Variants in MYO16 observed in about 807,000 individuals in gnomAD.
MYO16 encodes the protein myosin XVI, also known as unconventional myosin-XVI.
A neutral mutation model predicts 205.3 loss-of-function variants in MYO16; 94 were observed. The observed-to-expected ratio is 0.46, with a 90% CI of 0.39 to 0.54. The LOEUF (loss-of-function observed/expected upper bound fraction) is 0.54, where lower values mean the gene tolerates loss of function less well. MYO16 is among the 20% of genes least tolerant of loss of function. MYO16 has a pLI of 0.00. For synonymous variants in MYO16, 988 were observed against 954.0 expected (o/e 1.04, Z -0.66); for missense variants, 2,315 against 2,387.5 (o/e 0.97, Z 0.63).
At chr13:108,765,649 C>A (rs189498820) in intron 4 of MYO16, among the ~76,000 whole-genome samples, 1 of 152,328 alleles carries the variant, frequency 6.6e-6, no homozygotes, top group East Asian at 1.9e-4. Flanking sequence ...ATCAGATACA[C>A]ACGCTTTGCC....
intron 1 of MYO16, among the ~76,000 whole-genome samples, chr13:108,611,972 C>CTTTTTTTT (rs201871787): frequency 6.2e-4 from 56 of 89,750 alleles, no homozygotes; most frequent in East Asian, 1.5e-3. Context: ...TTTTTTTTTT[C>CTTTTTTTT]TTTTTTTTTT....
intron 20 of MYO16, among the ~76,000 whole-genome samples, chr13:108,970,843 T>C (rs1004699103): frequency 2.0e-5 from 3 of 152,190 alleles, no homozygotes; most frequent in Non-Finnish European, 4.4e-5. Context: ...CCCCACACTT[T>C]CCCAAGTGTG....
the MYO16 span, among the ~76,000 whole-genome samples, chr13:108,504,297 T>C: frequency 2.0e-5 from 3 of 151,614 alleles, no homozygotes; most frequent in Non-Finnish European, 2.9e-5. Context: ...AATTTTTGTA[T>C]TTTTAGTAGA....
intron 7 of MYO16, among the ~76,000 whole-genome samples, chr13:108,814,029 AT>A (rs1421780334): frequency 6.6e-6 from 1 of 152,102 alleles, no homozygotes; most frequent in African/African-American, 2.4e-5. Flanking sequence ...ATGAATGTTT[AT>A]TTTTACAGGC....
chr13:108,510,276 C>G, the MYO16 span, among the ~76,000 whole-genome samples: 8 of 151,920 alleles, frequency 5.3e-5, no homozygotes, highest in Non-Finnish European at 1.0e-4. Flanking sequence ...GCCATCACGC[C>G]CGGCTAATTT....
chr13:109,055,206 A>G lies in MYO16; in HGVS notation c.3129+80A>G. On this transcript the variant is annotated intron_variant, in intron 26 of 34. Transcript: ENST00000457511. The surrounding 1 kb of genome is among the most constrained non-coding windows in gnomAD (Gnocchi z 5.0). ...AGGGTTTATGTAGACTTTTTTTTCC[A>G]TTTTTGACAACTTAAATATCTTCAC... 1 of 1,242,214 alleles carries G rather than the reference A, an allele frequency of 8.1e-7. No homozygotes were observed. The highest frequency in any genetic ancestry group is 1.1e-6 in the Non-Finnish European group (1 of 886,162). 76.9% of individuals were successfully genotyped at this position (1,242,214 alleles called of 1,614,324 possible).
At chr13:108,634,462 T>C (rs986387870) in intron 1 of MYO16, among the ~76,000 whole-genome samples, 6 of 152,070 alleles carry the variant, frequency 3.9e-5, no homozygotes, top group South Asian at 2.1e-4. Context: ...AATCCATCCA[T>C]CTTCCAATTA....
Position 109,140,215 on chromosome 13 carries a change from C to T in MYO16, c.4052-49C>T. 2 of 1,586,086 alleles carry T rather than the reference C, an allele frequency of 1.3e-6. No homozygotes were observed. Among genetic ancestry groups the T allele is most frequent in the Non-Finnish European group, 1.7e-6 (2 of 1,173,724 alleles). On this transcript the variant is annotated intron_variant, in intron 31 of 34. Transcript: ENST00000457511. This position sits in a 1 kb window ranked among gnomAD's most constrained non-coding sequence, Gnocchi z 8.0. ...AGTCGAGCCCCGGGCTTGGTGGGCA[C>T]CCGTGGGCCTGGCCTGGCACCCACT...
intron 21 of MYO16, among the ~76,000 whole-genome samples, chr13:109,000,485 C>A (rs1885177922): frequency 1.3e-5 from 2 of 152,114 alleles, no homozygotes; most frequent in Admixed American, 1.3e-4. Context: ...CATTCTGAAT[C>A]ATTACAACTA....
At chr13:108,799,276 A>C (rs1594303325) in intron 6 of MYO16, among the ~76,000 whole-genome samples, 1 of 152,250 alleles carries the variant, frequency 6.6e-6, no homozygotes, top group Non-Finnish European at 1.5e-5. Flanking sequence ...CATACTTCCC[A>C]GTGACCCTTG....
At chr13:108,890,104 A>ATTT (rs60627565) in intron 14 of MYO16, among the ~76,000 whole-genome samples, 1,504 of 94,766 alleles carry the variant, frequency 0.016, 46 homozygotes, top group Admixed American at 0.046. Context: ...TAATTTTTGT[A>ATTT]TTTTTTTTTT....
chr13:108,641,726 T>C (rs1421006949), intron 1 of MYO16, among the ~76,000 whole-genome samples: 1 of 152,238 alleles, frequency 6.6e-6, no homozygotes, highest in African/African-American at 2.4e-5. Context: ...GCTGAATTTA[T>C]GCAGGGCAAC....
intron 7 of MYO16, among the ~76,000 whole-genome samples, chr13:108,818,606 G>A (rs755645084): frequency 8.5e-5 from 13 of 152,056 alleles, no homozygotes. Context: ...GCATTAATGA[G>A]ATGAACCAAG....
intron 28 of MYO16, among the ~76,000 whole-genome samples, chr13:109,106,575 A>G (rs980356012): frequency 6.6e-6 from 1 of 152,212 alleles, no homozygotes; most frequent in Non-Finnish European, 1.5e-5. Context: ...ATATGCATCA[A>G]CTGGTTATAG....
chr13:109,011,498 C>CTTTTTTTTTTTTTTTTTTTTTTTTTT (rs34575828), intron 22 of MYO16, among the ~76,000 whole-genome samples: 3 of 129,946 alleles, frequency 2.3e-5, no homozygotes, highest in East Asian at 2.3e-4. Context: ...TTCTTCCTTT[C>CTTTTTTTTTTTTTTTTTTTTTTTTTT]TTTTTTTTTT....
At chr13:108,805,173 G>A (rs1398794857) in intron 6 of MYO16, among the ~76,000 whole-genome samples, 1 of 152,164 alleles carries the variant, frequency 6.6e-6, no homozygotes, top group African/African-American at 2.4e-5. Context: ...GAGCAAGTAT[G>A]TAAAATTATA....
At chr13:108,764,737 T>C (rs1044139650) in intron 4 of MYO16, among the ~76,000 whole-genome samples, 3 of 152,238 alleles carry the variant, frequency 2.0e-5, no homozygotes, top group Non-Finnish European at 4.4e-5. Context: ...TGTGAAATTG[T>C]ATCTTTTAAT....
Position 109,055,309 on chromosome 13 carries a change from G to T in MYO16, c.3130-81G>T. 8.2e-7 allele frequency: 1 copy of T among 1,213,388 alleles called. No individual in the cohort carries two copies. The highest frequency in any genetic ancestry group is 1.2e-6 in the Non-Finnish European group (1 of 860,502). 75.2% of individuals were successfully genotyped at this position (1,213,388 alleles called of 1,614,324 possible). On this transcript the variant is annotated intron_variant, in intron 26 of 34. Transcript: ENST00000457511. The surrounding 1 kb of genome is among the most constrained non-coding windows in gnomAD (Gnocchi z 5.0). Reference sequence around the variant, plus strand: ...GCATAATGAGATTTAAAGACGTAAAGACTTTTTATTTAAAAACTGCTTTAT... The same window carrying T: ...GCATAATGAGATTTAAAGACGTAAATACTTTTTATTTAAAAACTGCTTTAT...
chr13:108,961,637 CCTCCAG>C lies in MYO16; in HGVS notation c.2141_2146del (p.Gln714_Leu715del), dbSNP rs1883586350. 6.2e-7 allele frequency: 1 copy of C among 1,613,338 alleles called. No homozygotes were observed. Among genetic ancestry groups the C allele is most frequent in the African/African-American group, 1.3e-5 (1 of 74,914 alleles). ...AGGGGAACTCCGCCTTCGTTTCTGA[CCTCCAG>C]CTCCTGGAACAAGGTCAGTGGAACA... On this transcript the variant is annotated inframe_deletion, in exon 18 of 35. Transcript: ENST00000457511.
Sources: gnomAD v4.1 joint callset for allele counts (sites outside exome capture counted in the v4.1 genomes callset) on GRCh38, gnomAD v4.1.1 for gene constraint, Gnocchi (gnomAD v3.1) non-coding constraint, MANE v1.5 for transcripts, NCBI Gene and HGNC (gene_info 2026-07-23, HGNC 2026-07-21) for gene names.